NEK11: variants seen among roughly 807,000 people sequenced by gnomAD.
NEK11 encodes the protein serine/threonine-protein kinase Nek11.
A neutral mutation model predicts 80.7 loss-of-function variants in NEK11; 72 were observed. The observed-to-expected ratio is 0.89, with a 90% CI of 0.74 to 1.08. The LOEUF (loss-of-function observed/expected upper bound fraction) is 1.08. Among genes scored for constraint, NEK11 ranks in the 50% least tolerant of loss-of-function variants. NEK11 has a pLI of 0.00. For missense variants in NEK11, 764 were observed against 763.6 expected (o/e 1.00, Z -0.01); for synonymous variants, 251 against 260.7 (o/e 0.96, Z 0.36).
chr3:131,346,607 T>C (rs1309638375), intron 17 of NEK11, among the ~76,000 whole-genome samples: 1 of 152,140 alleles, frequency 6.6e-6, no homozygotes. Context: ...GTCAAAGGTA[T>C]TTGCGAGATA....
chr3:131,308,808 G>A (rs2096748378), intron 17 of NEK11, among the ~76,000 whole-genome samples: 2 of 151,702 alleles, frequency 1.3e-5, no homozygotes, highest in Non-Finnish European at 2.9e-5. Flanking sequence ...TTGACACCAG[G>A]AACTGGTTTT....
intron 15 of NEK11, among the ~76,000 whole-genome samples, chr3:131,229,812 G>C (rs1313099331): frequency 1.3e-5 from 2 of 152,012 alleles, no homozygotes; most frequent in East Asian, 3.9e-4. Flanking sequence ...GAAAGGATTA[G>C]AGAGAGATAA....
chr3:131,057,107 G>A (rs1485244883), intron 3 of NEK11, among the ~76,000 whole-genome samples: 5 of 136,446 alleles, frequency 3.7e-5, no homozygotes, highest in Non-Finnish European at 6.0e-5. Flanking sequence ...CTCATTGTTC[G>A]ATTCCCATCT....
intron 16 of NEK11, among the ~76,000 whole-genome samples, chr3:131,260,195 T>C (rs186507709): frequency 5.9e-4 from 88 of 148,012 alleles, no homozygotes; most frequent in African/African-American, 2.3e-3. Flanking sequence ...GATGATCTTA[T>C]TTTTTTTTAA....
chr3:131,160,695 A>G (rs908799104), intron 10 of NEK11, among the ~76,000 whole-genome samples: 17 of 152,202 alleles, frequency 1.1e-4, no homozygotes, highest in Non-Finnish European at 1.5e-4. Flanking sequence ...CTCACATACA[A>G]TGGCACACAT....
intron 3 of NEK11, among the ~76,000 whole-genome samples, chr3:131,052,122 C>T (rs2110042973): frequency 8.1e-6 from 1 of 123,736 alleles, no homozygotes; most frequent in East Asian, 2.2e-4. Flanking sequence ...TTATACACTT[C>T]TGGTTTTTTT....
intron 5 of NEK11, among the ~76,000 whole-genome samples, chr3:131,132,430 A>G (rs2084664305): frequency 6.6e-6 from 1 of 152,044 alleles, no homozygotes; most frequent in African/African-American, 2.4e-5. Context: ...AATTGAGGAT[A>G]TGGTTACTGG....
chr3:131,077,632 G>C (rs1017180553), intron 3 of NEK11, among the ~76,000 whole-genome samples: 1 of 152,180 alleles, frequency 6.6e-6, no homozygotes, highest in African/African-American at 2.4e-5. Flanking sequence ...AGAGAATATT[G>C]CAAGTTGGTA....
intron 14 of NEK11, among the ~76,000 whole-genome samples, chr3:131,217,872 A>G (rs1253714655): frequency 1.3e-5 from 2 of 152,238 alleles, no homozygotes; most frequent in Non-Finnish European, 2.9e-5. Flanking sequence ...TGGAGCATCT[A>G]CCATGTTCTG....
chr3:131,113,890 G>A (rs943261365), intron 5 of NEK11, among the ~76,000 whole-genome samples: 1 of 139,368 alleles, frequency 7.2e-6, no homozygotes, highest in African/African-American at 2.7e-5. Flanking sequence ...TAGCCTGGGT[G>A]ACAGTGCAAG....
intron 5 of NEK11, among the ~76,000 whole-genome samples, chr3:131,129,577 A>G (rs1478588964): frequency 6.6e-6 from 1 of 152,074 alleles, no homozygotes; most frequent in Non-Finnish European, 1.5e-5. Flanking sequence ...GCAGTTTTAT[A>G]GTTTTATATT....
intron 3 of NEK11, among the ~76,000 whole-genome samples, chr3:131,059,462 A>C (rs2070384501): frequency 6.6e-6 from 1 of 152,250 alleles, no homozygotes; most frequent in Admixed American, 6.5e-5. Flanking sequence ...TTAGAAATGT[A>C]ACCCATAACA....
chr3:131,140,051 C>G (rs1282191868), intron 7 of NEK11, among the ~76,000 whole-genome samples: 4 of 152,202 alleles, frequency 2.6e-5, no homozygotes, highest in Non-Finnish European at 5.9e-5. Flanking sequence ...CATATCACTT[C>G]TCACATGTTC....
At chr3:131,081,498 CAA>C (rs1180543996) in intron 4 of NEK11, among the ~76,000 whole-genome samples, 2 of 152,110 alleles carry the variant, frequency 1.3e-5, no homozygotes, top group Non-Finnish European at 2.9e-5. Context: ...GGAAAGTGGA[CAA>C]TGTGTAGCTG....
At chr3:131,093,455 G>T (rs1358086739) in intron 4 of NEK11, among the ~76,000 whole-genome samples, 4 of 151,546 alleles carry the variant, frequency 2.6e-5, no homozygotes, top group Non-Finnish European at 2.9e-5. Flanking sequence ...ACAGAGTCTC[G>T]CTCTGTCTGT....
At chr3:131,181,899 C>A (rs1213565944) in intron 14 of NEK11, among the ~76,000 whole-genome samples, 1 of 151,588 alleles carries the variant, frequency 6.6e-6, no homozygotes, top group East Asian at 1.9e-4. Context: ...GATTCATATG[C>A]TAGTTTTTTT....
intron 14 of NEK11, among the ~76,000 whole-genome samples, chr3:131,193,105 A>T (rs780789025): frequency 3.3e-5 from 5 of 152,206 alleles, no homozygotes; most frequent in Non-Finnish European, 7.3e-5. Flanking sequence ...ATCTATACAT[A>T]TTAACATAAA....
intron 17 of NEK11, among the ~76,000 whole-genome samples, chr3:131,308,173 C>T (rs1281392136): frequency 6.6e-6 from 1 of 152,104 alleles, no homozygotes; most frequent in Non-Finnish European, 1.5e-5. Flanking sequence ...AGTGTTAAAG[C>T]ACAATTACTA....
At chr3:131,126,312 T>C (rs1396987801) in intron 5 of NEK11, among the ~76,000 whole-genome samples, 1 of 152,180 alleles carries the variant, frequency 6.6e-6, no homozygotes, top group Non-Finnish European at 1.5e-5. Flanking sequence ...CTTCCTTCTG[T>C]GGTCATTTTT....
Sources: gnomAD v4.1 joint callset for allele counts (sites outside exome capture counted in the v4.1 genomes callset) on GRCh38, gnomAD v4.1.1 for gene constraint, MANE v1.5 for transcripts, NCBI Gene and HGNC (gene_info 2026-07-23, HGNC 2026-07-21) for gene names.